DTWD1: variants seen among roughly 807,000 people sequenced by gnomAD.
DTWD1 encodes the protein DTW motif tRNA-uridine aminocarboxypropyltransferase 1.
In DTWD1, 27 loss-of-function variants were observed where a neutral mutation model predicts 30.2. The ratio of observed to expected loss-of-function variants is 0.90; its 90% CI spans 0.66 to 1.23. DTWD1 has a LOEUF of 1.23. DTWD1 is among the 50% of genes most tolerant of loss of function. The pLI, the probability that DTWD1 is intolerant of heterozygous loss-of-function variation, is 0.00. For synonymous variants in DTWD1, 99 were observed against 113.1 expected, an observed-to-expected ratio of 0.88 and a Z score of 0.79; for missense variants, 342 against 348.8, an observed-to-expected ratio of 0.98 and a Z score of 0.15.
rs776674107 is a variant in DTWD1, at chr15:49,647,578, A to G, written c.*4000A>G. The G allele has an allele frequency of 2.6e-5, 4 of 152,188 alleles. No individual in the cohort carries two copies. The highest frequency in any genetic ancestry group is 6.5e-5 in the Admixed American group (1 of 15,268). The allele number at this position is 152,188 out of a possible 1,614,324, so 9.4% of individuals were successfully genotyped here. ...TTTTGTCTTCCATGTTACTGGAAGCATTAATTATAGCAACTTTTTATCTCC... is the reference window on the plus strand; with the variant it reads ...TTTTGTCTTCCATGTTACTGGAAGCGTTAATTATAGCAACTTTTTATCTCC... On this transcript the variant is annotated 3_prime_UTR_variant, in exon 5 of 5. Transcript: ENST00000403028.
At chr15:49,641,207 G>C (rs1192648470) in intron 4 of DTWD1, among the ~76,000 whole-genome samples, 1 of 151,732 alleles carries the variant, frequency 6.6e-6, no homozygotes, top group Non-Finnish European at 1.5e-5. Context: ...GAAATAATTG[G>C]ATCTACTTTC....
intron 4 of DTWD1, among the ~76,000 whole-genome samples, chr15:49,642,080 C>T (rs1009448343): frequency 1.3e-5 from 2 of 152,118 alleles, no homozygotes; most frequent in Admixed American, 6.6e-5. Context: ...ATTTGATCCT[C>T]CATATCTCTG....
intron 2 of DTWD1, among the ~76,000 whole-genome samples, chr15:49,628,825 G>T (rs2078879854): frequency 6.6e-6 from 1 of 151,612 alleles, no homozygotes; most frequent in East Asian, 1.9e-4. Context: ...TTTGTAGCTT[G>T]TAAAAAAGCA....
At chr15:49,643,169 T>C (rs530410125) in intron 4 of DTWD1, among the ~76,000 whole-genome samples, 162 bp from the exon 5 acceptor site, 120 of 152,228 alleles carry the variant, frequency 7.9e-4, no homozygotes, top group Non-Finnish European at 8.8e-4. Context: ...TAAGAAAATA[T>C]CTTGTTTCAA....
intron 3 of DTWD1, 25 bp from the exon 4 acceptor site, chr15:49,634,511 G>A: frequency 1.3e-6 from 2 of 1,583,730 alleles, no homozygotes; most frequent in Non-Finnish European, 1.7e-6. Context: ...GTAGCACACT[G>A]CTAACCCAAT....
Position 49,652,654 on chromosome 15 carries a change from A to G in DTWD1, c.*9076A>G, listed in dbSNP as rs1251071512. 1.5e-5 allele frequency: 2 copies of G among 131,482 alleles called. No homozygotes were observed. Among genetic ancestry groups the G allele is most frequent in the Non-Finnish European group, 1.5e-5 (1 of 65,882 alleles). The allele number at this position is 131,482 out of a possible 1,614,324, so 8.1% of individuals were successfully genotyped here. On this transcript the variant is annotated 3_prime_UTR_variant, in exon 5 of 5. Transcript: ENST00000403028. ...AGCAGCAAGCACTGTAATTTGTCCCACTAATCTCCCATCTTCTAAATTTCT... is the reference window on the plus strand; with the variant it reads ...AGCAGCAAGCACTGTAATTTGTCCCGCTAATCTCCCATCTTCTAAATTTCT...
At chr15:49,640,871 GA>G (rs974871527) in intron 4 of DTWD1, among the ~76,000 whole-genome samples, 13 of 151,414 alleles carry the variant, frequency 8.6e-5, no homozygotes, top group African/African-American at 2.4e-4. Flanking sequence ...TTCTTTTGAG[GA>G]AAAAAAACTT....
At chr15:49,628,912 A>G (rs2078881381) in intron 2 of DTWD1, among the ~76,000 whole-genome samples, 1 of 152,050 alleles carries the variant, frequency 6.6e-6, no homozygotes, top group South Asian at 2.1e-4. Context: ...TGTTACATTG[A>G]TACACATGTG....
chr15:49,655,713 C>G lies in DTWD1; in HGVS notation c.*12135C>G, dbSNP rs187476310. 1 of 152,126 alleles carries G rather than the reference C, an allele frequency of 6.6e-6. No individual in the cohort carries two copies. Among genetic ancestry groups the G allele is most frequent in the East Asian group, 1.9e-4 (1 of 5,158 alleles). The allele number at this position is 152,126 out of a possible 1,614,324, so 9.4% of individuals were successfully genotyped here. A position where few individuals can be genotyped will look rare whatever the true frequency, so the allele number is the denominator to read the frequency against. On this transcript the variant is annotated 3_prime_UTR_variant, in exon 5 of 5. Coordinates refer to ENST00000403028, the MANE Select transcript of DTWD1 (RefSeq NM_001144955.2). ...TACAGCCTTTGATTTTATTATCACT[C>G]TGGGACCACGTTTTACTGTTGGCAC... is the stretch of plus-strand genomic sequence containing the variant.
chr15:49,627,070 TATA>T lies in DTWD1; in HGVS notation c.264+1651_264+1653del, dbSNP rs981765963. Among the ~76,000 whole-genome samples, 14 of 152,178 alleles carry T rather than the reference TATA, an allele frequency of 9.2e-5. No homozygotes were observed. The East Asian group carries it at 2.5e-3, about 27-fold the overall frequency. Reference sequence around the variant, plus strand: ...TTGTATTAAAAAATGGATTGCATATTATAATAATAATAATCAGTAATATAGTTA... The same window carrying T: ...TTGTATTAAAAAATGGATTGCATATTATAATAATAATCAGTAATATAGTTA... On this transcript the variant is annotated intron_variant, in intron 2 of 4. Coordinates refer to ENST00000403028, the MANE Select transcript of DTWD1 (RefSeq NM_001144955.2).
rs577586924 is a variant in DTWD1 at position 49,649,170 on chromosome 15, C to T, written c.*5592C>T. On this transcript the variant is annotated 3_prime_UTR_variant, in exon 5 of 5. Transcript: ENST00000403028. ...CAAACAGAAGAAATAGGTCGTATAT[C>T]GACCAATAATCAGGATATTAAAGGA... 3 of 152,178 alleles carry T rather than the reference C, an allele frequency of 2.0e-5. No individual in the cohort carries two copies. The highest frequency in any genetic ancestry group is 4.8e-5 in the African/African-American group (2 of 41,530). The allele number at this position is 152,178 out of a possible 1,614,324, so 9.4% of individuals were successfully genotyped here.
At chr15:49,628,530 C>A (rs1441990529) in intron 2 of DTWD1, among the ~76,000 whole-genome samples, 1 of 151,954 alleles carries the variant, frequency 6.6e-6, no homozygotes, top group East Asian at 1.9e-4. Flanking sequence ...CTTCGCTAGG[C>A]CATAGGCATT....
intron 3 of DTWD1, 42 bp from the exon 4 acceptor site, chr15:49,634,494 G>GA (rs1210969622): frequency 6.6e-7 from 1 of 1,523,048 alleles, no homozygotes; most frequent in Admixed American, 2.3e-5. Flanking sequence ...ATATTTTGAA[G>GA]ATCATAGTAG....
At chr15:49,633,164 G>A (rs2078954289) in intron 3 of DTWD1, among the ~76,000 whole-genome samples, 1 of 150,532 alleles carries the variant, frequency 6.6e-6, no homozygotes, top group Non-Finnish European at 1.5e-5. Flanking sequence ...TGGTCAGCTA[G>A]ACTCCATTTA....
At chr15:49,633,854 T>G (rs1167712452) in intron 3 of DTWD1, among the ~76,000 whole-genome samples, 1 of 152,194 alleles carries the variant, frequency 6.6e-6, no homozygotes, top group Non-Finnish European at 1.5e-5. Context: ...AATATAAATC[T>G]CAGTAAAAAT....
chr15:49,632,394 A>C lies in DTWD1; in HGVS notation c.408+92A>C, dbSNP rs1029192904. ...TTCTGAACTTACTCAAACATAATTT[A>C]ATATTTTTCTTAGTAAAGTATTATG... On this transcript the variant is annotated intron_variant, in intron 3 of 4. Coordinates refer to ENST00000403028, the MANE Select transcript of DTWD1 (RefSeq NM_001144955.2). The C allele has an allele frequency of 6.4e-6, 8 of 1,255,096 alleles. No individual in the cohort carries two copies. The African/African-American group carries it at 1.2e-4, about 20-fold the overall frequency. 77.7% of individuals were successfully genotyped at this position (1,255,096 alleles called of 1,614,324 possible).
At chr15:49,639,648 T>C (rs943066437) in intron 4 of DTWD1, among the ~76,000 whole-genome samples, 1 of 152,214 alleles carries the variant, frequency 6.6e-6, no homozygotes, top group Admixed American at 6.5e-5. Flanking sequence ...ATATTTTGCA[T>C]TCAAGAAACT....
In DTWD1 at chr15:49,634,372, CA is replaced by C. The variant is rs372674852; in HGVS notation, c.409-159del. Among the ~76,000 whole-genome samples, 23 of 151,956 alleles carry C rather than the reference CA, an allele frequency of 1.5e-4. No homozygotes were observed. The East Asian group carries it at 4.4e-3, about 29-fold the overall frequency. ...TGATTATAAATTACTAGGGGAGAGC[CA>C]AAAACTTTACCATACATATTAAAGA... On this transcript the variant is annotated intron_variant, in intron 3 of 4. Transcript: ENST00000403028.
At chr15:49,631,704 T>C (rs1423261189) in intron 2 of DTWD1, among the ~76,000 whole-genome samples, 1 of 151,006 alleles carries the variant, frequency 6.6e-6, no homozygotes, top group Non-Finnish European at 1.5e-5. Flanking sequence ...GAGGTTGCAG[T>C]GAGCCGAGAT....
Sources: allele counts gnomAD v4.1 joint callset (sites outside exome capture counted in the v4.1 genomes callset), GRCh38; gene constraint gnomAD v4.1.1; transcripts MANE v1.5; gene names NCBI Gene and HGNC (gene_info 2026-07-23, HGNC 2026-07-21).